RAD51B: variants seen among roughly 807,000 people sequenced by gnomAD.
RAD51B encodes the protein DNA repair protein RAD51 homolog 2.
A neutral mutation model predicts 42.2 loss-of-function variants in RAD51B; 38 were observed. That is an observed-to-expected ratio of 0.90 (90% confidence interval 0.70 to 1.18). RAD51B has a LOEUF of 1.18. Among genes scored for constraint, RAD51B ranks in the 50% most tolerant of loss-of-function variants. The probability of loss-of-function intolerance (pLI) is 0.00; values close to 1 mark genes in which losing one functional copy is unlikely to be tolerated. For synonymous variants in RAD51B, 154 were observed against 145.2 expected (o/e 1.06, Z -0.43); for missense variants, 373 against 400.7 (o/e 0.93, Z 0.59).
chr14:68,545,859 T>G (rs17105828), intron 10 of RAD51B, among the ~76,000 whole-genome samples: 34,534 of 152,038 alleles, frequency 0.23, 4,435 homozygotes, highest in Middle Eastern at 0.37. Context: ...TGCTTGCCAA[T>G]TTGGGTCTGA....
chr14:68,449,745 C>T (rs1282376385), intron 9 of RAD51B, among the ~76,000 whole-genome samples: 3 of 151,852 alleles, frequency 2.0e-5, no homozygotes, highest in African/African-American at 7.3e-5. Context: ...TTTTTTTCCT[C>T]TGTGGTGTCT....
chr14:67,944,154 C>T lies in RAD51B; in HGVS notation c.756+56950C>T, dbSNP rs190532345. Among the ~76,000 whole-genome samples, 439 of 149,338 alleles carry T rather than the reference C, an allele frequency of 2.9e-3. 1 individual carries two copies. The highest frequency in any genetic ancestry group is 4.6e-3 in the Non-Finnish European group (314 of 67,584). On this transcript the variant is annotated intron_variant, in intron 7 of 10. Coordinates refer to ENST00000471583, the MANE Select transcript of RAD51B (RefSeq NM_133510.4). ...GCACATTTTAATGGGCTCTTTTGTA[C>T]CACCAAGACAATTTCATCTTAGAGT...
intron 8 of RAD51B, among the ~76,000 whole-genome samples, chr14:68,396,622 A>G (rs967322042): frequency 4.6e-5 from 7 of 152,214 alleles, no homozygotes; most frequent in African/African-American, 1.4e-4. Flanking sequence ...ATCACCTTAC[A>G]TATTTTCAGT....
rs975212224 is a variant in RAD51B at position 68,627,107 on chromosome 14, C to A, written c.1037-23674C>A. ...AGAATGCGGAAGAGAGTGGAAAAAA[C>A]CACTTACATCATCCTAACTAACCAG... On this transcript the variant is annotated intron_variant, in intron 10 of 11. Transcript: ENST00000488612. The A allele has an allele frequency of 2.0e-5, 3 of 152,310 alleles. No individual in the cohort carries two copies. In the South Asian group the frequency reaches 6.2e-4, roughly 32 times the overall value. The allele number at this position is 152,310 out of a possible 1,614,324, so 9.4% of individuals were successfully genotyped here.
At chr14:68,012,261 A>T (rs1446554723) in intron 7 of RAD51B, among the ~76,000 whole-genome samples, 1 of 152,114 alleles carries the variant, frequency 6.6e-6, no homozygotes, top group African/African-American at 2.4e-5. Context: ...TATGAGTATT[A>T]TAATAAAGAT....
At chr14:68,524,647 T>A (rs1594941378) in intron 10 of RAD51B, among the ~76,000 whole-genome samples, 1 of 152,200 alleles carries the variant, frequency 6.6e-6, no homozygotes, top group African/African-American at 2.4e-5. Flanking sequence ...AAACTGTCCC[T>A]TGTAGTCGCT....
intron 7 of RAD51B, among the ~76,000 whole-genome samples, chr14:68,143,401 C>T (rs1456088536): frequency 1.3e-5 from 2 of 152,168 alleles, no homozygotes; most frequent in Non-Finnish European, 2.9e-5. Context: ...CACTTATGTG[C>T]TAATCTCCAA....
chr14:68,178,657 T>G (rs2079004705), intron 7 of RAD51B, among the ~76,000 whole-genome samples: 1 of 152,192 alleles, frequency 6.6e-6, no homozygotes, highest in African/African-American at 2.4e-5. Context: ...TGGAGGGTTA[T>G]AACTTCTCCC....
At chr14:68,158,162 T>C (rs1180450197) in intron 7 of RAD51B, among the ~76,000 whole-genome samples, 1 of 152,200 alleles carries the variant, frequency 6.6e-6, no homozygotes, top group Non-Finnish European at 1.5e-5. Flanking sequence ...CAACCTGCCT[T>C]GACTAAACTC....
Position 67,946,881 on chromosome 14 carries a change from T to C in RAD51B, c.756+59677T>C, listed in dbSNP as rs150861165. Among the ~76,000 whole-genome samples the C allele has an allele frequency of 2.3e-3, 347 of 152,350 alleles. 3 individuals are homozygous for C. Among genetic ancestry groups the C allele is most frequent in the Non-Finnish European group, 2.8e-3 (188 of 68,018 alleles). ...GTTATAACTTAAACTTGCATTTATA[T>C]ATTTCTGATTAAGTTGTTAACTATG... On this transcript the variant is annotated intron_variant, in intron 7 of 10. Transcript: ENST00000471583.
chr14:68,373,443 A>T (rs529280478), intron 8 of RAD51B, among the ~76,000 whole-genome samples: 1 of 152,240 alleles, frequency 6.6e-6, no homozygotes, highest in African/African-American at 2.4e-5. Flanking sequence ...ATGCAGCCCT[A>T]AAAAAGTGAG....
intron 7 of RAD51B, among the ~76,000 whole-genome samples, chr14:68,175,826 G>C (rs1033518916): frequency 7.9e-5 from 12 of 152,262 alleles, no homozygotes; most frequent in Admixed American, 6.5e-4. Context: ...TCCATCAAGT[G>C]AACCTCTCTC....
intron 7 of RAD51B, among the ~76,000 whole-genome samples, chr14:67,917,392 A>G (rs1483584003): frequency 6.6e-6 from 1 of 152,124 alleles, no homozygotes; most frequent in Non-Finnish European, 1.5e-5. Flanking sequence ...AGAGCAAGAG[A>G]GAGAGTAGAG....
At chr14:68,226,121 A>G (rs2080033402) in intron 7 of RAD51B, among the ~76,000 whole-genome samples, 1 of 152,172 alleles carries the variant, frequency 6.6e-6, no homozygotes, top group African/African-American at 2.4e-5. Context: ...GATATGGAGA[A>G]AAGGGCTCCA....
intron 9 of RAD51B, among the ~76,000 whole-genome samples, chr14:68,456,210 T>C (rs2085682808): frequency 6.6e-6 from 1 of 152,102 alleles, no homozygotes; most frequent in African/African-American, 2.4e-5. Flanking sequence ...AATAGCAAAA[T>C]GGCAGGCATA....
downstream of RAD51B, chr14:68,596,056 G>A: frequency 9.6e-7 from 1 of 1,041,782 alleles, no homozygotes; most frequent in Non-Finnish European, 1.2e-6. Flanking sequence ...CAGCAGATGT[G>A]TTTCCTGTTT....
At chr14:68,186,142 G>A (rs2079153856) in intron 7 of RAD51B, among the ~76,000 whole-genome samples, 1 of 152,122 alleles carries the variant, frequency 6.6e-6, no homozygotes, top group Admixed American at 6.5e-5. Flanking sequence ...AATACTGCTG[G>A]GGTTGTTGGC....
At chr14:68,468,522 T>G in intron 10 of RAD51B, 1 of 457,788 alleles carries the variant, frequency 2.2e-6, no homozygotes, top group South Asian at 2.0e-5. Context: ...CCAAGAAAGC[T>G]CGGAATTGCT....
chr14:68,400,598 C>G (rs1307832541), intron 8 of RAD51B, among the ~76,000 whole-genome samples: 1 of 152,168 alleles, frequency 6.6e-6, no homozygotes, highest in Non-Finnish European at 1.5e-5. Flanking sequence ...GAAAGCAAAG[C>G]TCATACCAGG....
Sources: allele counts gnomAD v4.1 joint callset (sites outside exome capture counted in the v4.1 genomes callset), GRCh38; gene constraint gnomAD v4.1.1; transcripts MANE v1.5; gene names NCBI Gene and HGNC (gene_info 2026-07-23, HGNC 2026-07-21).